Variants in BICC1 observed in about 807,000 individuals in gnomAD.
BICC1 encodes BicC family RNA binding protein 1.
Under a neutral mutation model 111.0 loss-of-function variants are expected in BICC1, and 43 were observed. The ratio of observed to expected loss-of-function variants is 0.39; its 90% CI spans 0.30 to 0.50. The LOEUF (loss-of-function observed/expected upper bound fraction) is 0.50, where lower values mean the gene tolerates loss of function less well. Among genes scored for constraint, BICC1 ranks in the 20% least tolerant of loss-of-function variants. The pLI is 0.88. For synonymous variants in BICC1, 467 were observed against 434.4 expected (o/e 1.07, Z -0.93); for missense variants, 1,091 against 1,203.2 (o/e 0.91, Z 1.38).
chr10:58,670,448 T>G (rs1399049123), intron 2 of BICC1, among the ~76,000 whole-genome samples: 1 of 152,116 alleles, frequency 6.6e-6, no homozygotes, highest in Non-Finnish European at 1.5e-5. Context: ...CCACTGAATA[T>G]CCTGTCCCCA....
At chr10:58,556,055 G>A (rs1360818064) in intron 1 of BICC1, among the ~76,000 whole-genome samples, 2 of 152,008 alleles carry the variant, frequency 1.3e-5, no homozygotes, top group Non-Finnish European at 2.9e-5. Flanking sequence ...TAAGATTGTG[G>A]AATTTCTAGT....
chr10:58,651,080 G>A (rs1214206132), intron 2 of BICC1, among the ~76,000 whole-genome samples: 1 of 152,140 alleles, frequency 6.6e-6, no homozygotes, highest in South Asian at 2.1e-4. Flanking sequence ...TGCCTGCCCT[G>A]AGCACTTTCC....
Position 58,513,035 on chromosome 10 carries a change from C to A in BICC1, c.-109C>A, listed in dbSNP as rs1202108782. ...GGTGGCGTCGGCGGCTGCAGGGGGA[C>A]GAGCTAGCGCCGCGGCGCTGGGAGC... is the stretch of plus-strand genomic sequence containing the variant. On this transcript the variant is annotated 5_prime_UTR_variant, in exon 1 of 21. Coordinates refer to ENST00000373886, the MANE Select transcript of BICC1 (RefSeq NM_001080512.3). 1 of 808,760 alleles carries A rather than the reference C, an allele frequency of 1.2e-6. No individual in the cohort carries two copies. Among genetic ancestry groups the A allele is most frequent in the Non-Finnish European group, 1.6e-6 (1 of 618,542 alleles). 50.1% of individuals were successfully genotyped at this position (808,760 alleles called of 1,614,324 possible).
chr10:58,515,181 C>T (rs1427199), intron 1 of BICC1, among the ~76,000 whole-genome samples: 77,728 of 152,066 alleles, frequency 0.51, 20,326 homozygotes, highest in African/African-American at 0.61. Context: ...CGATCTGAGA[C>T]GGTTTGAAAT....
At chr10:58,539,867 T>C (rs186795801) in intron 1 of BICC1, among the ~76,000 whole-genome samples, 134 of 152,066 alleles carry the variant, frequency 8.8e-4, no homozygotes, top group African/African-American at 3.2e-3. Flanking sequence ...TTCTTCAGGA[T>C]ATATCACATG....
At chr10:58,737,289 C>T (rs1841500937) in intron 3 of BICC1, among the ~76,000 whole-genome samples, 1 of 152,120 alleles carries the variant, frequency 6.6e-6, no homozygotes, top group Non-Finnish European at 1.5e-5. Context: ...TGATATTCCC[C>T]TTCCTGTGTC....
intron 2 of BICC1, among the ~76,000 whole-genome samples, chr10:58,671,490 T>A (rs1839184136): frequency 6.6e-6 from 1 of 152,144 alleles, no homozygotes; most frequent in African/African-American, 2.4e-5. Context: ...TAGAATCTGC[T>A]AAAATTTCCC....
chr10:58,602,804 G>A (rs1845083284), intron 1 of BICC1, among the ~76,000 whole-genome samples: 1 of 152,146 alleles, frequency 6.6e-6, no homozygotes, highest in Non-Finnish European at 1.5e-5. Context: ...ATATTTTGCA[G>A]AAGGTTAAAA....
chr10:58,630,290 G>A (rs940909875), intron 2 of BICC1, among the ~76,000 whole-genome samples: 2 of 152,276 alleles, frequency 1.3e-5, no homozygotes, highest in East Asian at 3.9e-4. Flanking sequence ...GGGAGAAGCT[G>A]TGAATAAGTG....
At chr10:58,535,126 A>G (rs546500052) in intron 1 of BICC1, among the ~76,000 whole-genome samples, 1 of 151,896 alleles carries the variant, frequency 6.6e-6, no homozygotes, top group African/African-American at 2.4e-5. Context: ...GGTTTTCCTG[A>G]GGGAGAGGAA....
chr10:58,523,871 T>C (rs1842459513), intron 1 of BICC1, among the ~76,000 whole-genome samples: 1 of 152,174 alleles, frequency 6.6e-6, no homozygotes, highest in East Asian at 1.9e-4. Flanking sequence ...GGATACAAAA[T>C]GAATGTGCAA....
chr10:58,634,168 T>C (rs922608135), intron 2 of BICC1, among the ~76,000 whole-genome samples: 5 of 152,040 alleles, frequency 3.3e-5, no homozygotes, highest in African/African-American at 7.2e-5. Flanking sequence ...ATTTTTTGTA[T>C]TTTTAGTAGA....
chr10:58,737,802 T>C (rs192166001), intron 3 of BICC1, among the ~76,000 whole-genome samples: 1 of 152,210 alleles, frequency 6.6e-6, no homozygotes, highest in African/African-American at 2.4e-5. Flanking sequence ...AGGTGGTATC[T>C]CATTTTGGTT....
chr10:58,818,266 A>AC, intron 19 of BICC1, among the ~76,000 whole-genome samples: 1 of 152,268 alleles, frequency 6.6e-6, no homozygotes, highest in East Asian at 1.9e-4. Context: ...TGTCTACTGA[A>AC]CAATCATGAC....
Position 58,588,195 on chromosome 10 carries a change from C to T in BICC1, c.191-32660C>T, listed in dbSNP as rs956016503. On this transcript the variant is annotated intron_variant, in intron 1 of 20. Coordinates refer to ENST00000373886, the MANE Select transcript of BICC1 (RefSeq NM_001080512.3). ...TATTAGTATGTATTTATTCATGACC[C>T]CTGCCCCTTTTATTTACAGGGACAA... 2.0e-5 allele frequency among the ~76,000 whole-genome samples: 3 copies of T among 152,254 alleles called. No homozygotes were observed. The East Asian group carries it at 5.8e-4, about 29-fold the overall frequency.
intron 2 of BICC1, among the ~76,000 whole-genome samples, chr10:58,692,953 T>A (rs949338556): frequency 6.6e-6 from 1 of 152,114 alleles, no homozygotes; most frequent in African/African-American, 2.4e-5. Flanking sequence ...ATTGGTGTGC[T>A]GCACCCATTA....
chr10:58,590,736 C>T (rs1054577451), intron 1 of BICC1, among the ~76,000 whole-genome samples: 12 of 152,172 alleles, frequency 7.9e-5, no homozygotes, highest in Middle Eastern at 3.2e-3. Context: ...TCACTTACCT[C>T]AGCATTTAAG....
intron 3 of BICC1, among the ~76,000 whole-genome samples, chr10:58,738,582 G>C (rs1174293832): frequency 6.6e-6 from 1 of 150,632 alleles, no homozygotes; most frequent in Non-Finnish European, 1.5e-5. Context: ...CTCTTTTTTG[G>C]TTCCATATGA....
chr10:58,719,477 C>T (rs1001860130), intron 3 of BICC1, among the ~76,000 whole-genome samples: 1 of 151,120 alleles, frequency 6.6e-6, no homozygotes, highest in Non-Finnish European at 1.5e-5. Context: ...TGCACCAGCT[C>T]AGCACCTTAT....
Sources: allele counts gnomAD v4.1 joint callset (sites outside exome capture counted in the v4.1 genomes callset), GRCh38; gene constraint gnomAD v4.1.1; transcripts MANE v1.5; gene names NCBI Gene and HGNC (gene_info 2026-07-23, HGNC 2026-07-21).